Variants in TAF4B observed in about 807,000 individuals in gnomAD.
TAF4B encodes the protein TATA-box binding protein associated factor 4b.
TAF4B carries 38 observed loss-of-function variants against 86.4 expected under a neutral mutation model. That is an observed-to-expected ratio of 0.44 (90% CI 0.34 to 0.58). The LOEUF (loss-of-function observed/expected upper bound fraction) is 0.58, where lower values mean the gene tolerates loss of function less well. Ranked by LOEUF, TAF4B falls within the 20% of genes least tolerant of loss-of-function variation. The pLI, the probability that TAF4B is intolerant of heterozygous loss-of-function variation, is 0.02. For synonymous variants in TAF4B, 388 were observed against 391.2 expected (o/e 0.99, Z 0.10); for missense variants, 988 against 1,027.6 (o/e 0.96, Z 0.53).
chr18:26,264,815 T>C (rs1025407120), intron 1 of TAF4B, among the ~76,000 whole-genome samples: 2 of 152,216 alleles, frequency 1.3e-5, no homozygotes, highest in Non-Finnish European at 1.5e-5. Context: ...ATATGATATA[T>C]CTGCATGAGT....
chr18:26,334,342 T>C (rs541433416), intron 12 of TAF4B, among the ~76,000 whole-genome samples: 1 of 152,216 alleles, frequency 6.6e-6, no homozygotes. Flanking sequence ...TAGTTAGCTA[T>C]CTAGATATTA....
intron 14 of TAF4B, among the ~76,000 whole-genome samples, chr18:26,381,955 T>C (rs527818698): frequency 7.1e-4 from 70 of 98,588 alleles, no homozygotes; most frequent in Non-Finnish European, 8.9e-4. Context: ...TTCTCTTTTT[T>C]TCTATAAATT....
At chr18:26,361,240 A>G (rs1345788765) in intron 14 of TAF4B, among the ~76,000 whole-genome samples, 2 of 151,228 alleles carry the variant, frequency 1.3e-5, no homozygotes, top group African/African-American at 2.4e-5. Flanking sequence ...CCATAATTCT[A>G]CTTTCTGTTT....
intron 12 of TAF4B, among the ~76,000 whole-genome samples, chr18:26,327,831 C>T (rs979200140): frequency 2.0e-5 from 3 of 152,238 alleles, no homozygotes; most frequent in African/African-American, 7.2e-5. Flanking sequence ...GGTGATCCGC[C>T]TGCCTTGGCC....
chr18:26,363,436 C>T (rs1180337585), intron 14 of TAF4B, among the ~76,000 whole-genome samples: 1 of 140,728 alleles, frequency 7.1e-6, no homozygotes, highest in Non-Finnish European at 1.5e-5. Context: ...GTTCCAGCAA[C>T]TTGGAGGGCT....
chr18:26,258,178 A>G (rs2056113406), intron 1 of TAF4B, among the ~76,000 whole-genome samples: 1 of 151,814 alleles, frequency 6.6e-6, no homozygotes, highest in Admixed American at 6.6e-5. Flanking sequence ...TGCTTGAACC[A>G]AGGAGTCGGA....
intron 13 of TAF4B, among the ~76,000 whole-genome samples, chr18:26,346,504 G>A (rs2057180316): frequency 6.6e-6 from 1 of 151,608 alleles, no homozygotes; most frequent in Non-Finnish European, 1.5e-5. Flanking sequence ...CAGGAAGCTG[G>A]AAGAACCCCA....
chr18:26,241,058 G>C (rs1357032484), intron 1 of TAF4B, among the ~76,000 whole-genome samples: 1 of 152,126 alleles, frequency 6.6e-6, no homozygotes, highest in African/African-American at 2.4e-5. Flanking sequence ...TTTTGGTTGT[G>C]TCTCTGCCAG....
chr18:26,314,188 C>G (rs1051136405), intron 9 of TAF4B, among the ~76,000 whole-genome samples: 2 of 151,998 alleles, frequency 1.3e-5, no homozygotes, highest in African/African-American at 4.8e-5. Context: ...CCATTTGGCC[C>G]ATGCAATAAA....
At chr18:26,232,068 C>T (rs1474643873) in intron 1 of TAF4B, among the ~76,000 whole-genome samples, 1 of 152,110 alleles carries the variant, frequency 6.6e-6, no homozygotes, top group African/African-American at 2.4e-5. Flanking sequence ...CTGGTTGGTG[C>T]ATTTTAGAAT....
At chr18:26,360,038 A>T (rs1175433915) in intron 14 of TAF4B, among the ~76,000 whole-genome samples, 1 of 152,126 alleles carries the variant, frequency 6.6e-6, no homozygotes, top group Non-Finnish European at 1.5e-5. Context: ...ATATATGCTT[A>T]ATCTTGTTTC....
intron 1 of TAF4B, among the ~76,000 whole-genome samples, chr18:26,262,207 G>A (rs2056178595): frequency 6.7e-6 from 1 of 149,648 alleles, no homozygotes; most frequent in Admixed American, 6.7e-5. Context: ...CTGGGATGGG[G>A]GGTGAGGATT....
intron 14 of TAF4B, among the ~76,000 whole-genome samples, chr18:26,369,518 G>A (rs2057393122): frequency 6.6e-6 from 1 of 152,202 alleles, no homozygotes; most frequent in Non-Finnish European, 1.5e-5. Flanking sequence ...GGGCCATGAA[G>A]CATTTTGACT....
At chr18:26,343,793 A>G (rs1459371695) in intron 13 of TAF4B, among the ~76,000 whole-genome samples, 1 of 152,182 alleles carries the variant, frequency 6.6e-6, no homozygotes, top group Non-Finnish European at 1.5e-5. Flanking sequence ...CTGAATATAC[A>G]TGGATTTTGG....
intron 1 of TAF4B, chr18:26,256,279 G>A (rs1344179626): frequency 5.4e-6 from 8 of 1,472,296 alleles, no homozygotes; most frequent in Middle Eastern, 2.4e-4. Flanking sequence ...TCAGTGAATC[G>A]AGAACTAGAG....
intron 1 of TAF4B, among the ~76,000 whole-genome samples, chr18:26,240,948 G>C (rs1476606248): frequency 6.6e-6 from 1 of 152,136 alleles, no homozygotes; most frequent in African/African-American, 2.4e-5. Flanking sequence ...CTTGATCATG[G>C]TGGAAAACCT....
chr18:26,265,366 T>G (rs780207121), intron 2 of TAF4B, 51 bp downstream of exon 2: 3 of 1,536,580 alleles, frequency 2.0e-6, no homozygotes, highest in South Asian at 2.6e-5. Context: ...AGCTATAATT[T>G]TCATATAAAT....
intron 12 of TAF4B, among the ~76,000 whole-genome samples, chr18:26,327,464 A>G (rs935975258): frequency 1.3e-5 from 2 of 152,224 alleles, no homozygotes; most frequent in African/African-American, 4.8e-5. Context: ...TGATAGGGAA[A>G]ATTTGGAAAG....
At chr18:26,293,125 A>G (rs1003197521) in intron 8 of TAF4B, among the ~76,000 whole-genome samples, 1 of 152,168 alleles carries the variant, frequency 6.6e-6, no homozygotes, top group Non-Finnish European at 1.5e-5. Flanking sequence ...ATGTATTTTT[A>G]AAAAATACCA....
Sources: allele counts gnomAD v4.1 joint callset (sites outside exome capture counted in the v4.1 genomes callset), GRCh38; gene constraint gnomAD v4.1.1; transcripts MANE v1.5; gene names NCBI Gene and HGNC (gene_info 2026-07-23, HGNC 2026-07-21).